MACROD2: variants seen among roughly 807,000 people sequenced by gnomAD.
MACROD2 encodes the protein ADP-ribose glycohydrolase MACROD2.
Under a neutral mutation model 70.4 loss-of-function variants are expected in MACROD2, and 36 were observed. The ratio of observed to expected loss-of-function variants is 0.51; its 90% CI spans 0.39 to 0.68. The LOEUF is 0.68. MACROD2 is among the 30% of genes least tolerant of loss of function. The pLI is 0.00. For synonymous variants in MACROD2, 172 were observed against 178.8 expected (o/e 0.96, Z 0.30); for missense variants, 496 against 538.4 (o/e 0.92, Z 0.78).
At chr20:16,013,437 T>G (rs1239026464) in intron 15 of MACROD2, among the ~76,000 whole-genome samples, 1 of 152,146 alleles carries the variant, frequency 6.6e-6, no homozygotes, top group Non-Finnish European at 1.5e-5. Flanking sequence ...CTTGTACCTG[T>G]ATCTAAAAAA....
chr20:15,108,540 T>G (rs1228964479), intron 5 of MACROD2, among the ~76,000 whole-genome samples: 1 of 152,162 alleles, frequency 6.6e-6, no homozygotes, highest in East Asian at 1.9e-4. Context: ...ACTGCCGATT[T>G]CCTTCTAGAT....
At chr20:14,204,680 C>CCTGGGAT (rs2081508820) in intron 3 of MACROD2, among the ~76,000 whole-genome samples, 1 of 152,178 alleles carries the variant, frequency 6.6e-6, no homozygotes, top group Non-Finnish European at 1.5e-5. Flanking sequence ...CCCGGCCAGG[C>CCTGGGAT]CAGCTGTTTC....
At chr20:15,872,383 C>T (rs1475984689) in intron 9 of MACROD2, among the ~76,000 whole-genome samples, 1 of 152,098 alleles carries the variant, frequency 6.6e-6, no homozygotes, top group African/African-American at 2.4e-5. Context: ...AGAAAGGTAG[C>T]AATTGTCTAA....
chr20:14,310,130 G>A (rs747118790), intron 3 of MACROD2, among the ~76,000 whole-genome samples: 8 of 152,078 alleles, frequency 5.3e-5, no homozygotes, highest in Non-Finnish European at 1.2e-4. Flanking sequence ...AAAAACTAAT[G>A]TTCAGAAGGA....
intron 8 of MACROD2, among the ~76,000 whole-genome samples, chr20:15,662,451 A>G (rs1471746727): frequency 1.3e-5 from 2 of 152,208 alleles, no homozygotes; most frequent in Non-Finnish European, 2.9e-5. Flanking sequence ...CATAAGTAAT[A>G]GCACTATTTG....
chr20:14,757,542 C>T, intron 5 of MACROD2: 1 of 800,774 alleles, frequency 1.2e-6, no homozygotes. Flanking sequence ...GGCCCTGGCC[C>T]CGGACCCTAC....
At chr20:14,263,455 G>T (rs1295743188) in intron 3 of MACROD2, among the ~76,000 whole-genome samples, 1 of 152,144 alleles carries the variant, frequency 6.6e-6, no homozygotes. Flanking sequence ...ATCAGAGGCA[G>T]AGGGTAGGGG....
chr20:15,171,545 T>C (rs16995406), intron 5 of MACROD2, among the ~76,000 whole-genome samples: 4,425 of 152,130 alleles, frequency 0.029, 117 homozygotes, highest in Middle Eastern at 0.075. Flanking sequence ...TCTTCACAAG[T>C]TGCTTCCTGA....
intron 4 of MACROD2, among the ~76,000 whole-genome samples, chr20:14,564,182 A>T (rs6074757): frequency 6.6e-6 from 1 of 151,716 alleles, no homozygotes. Flanking sequence ...TGTACTGTAT[A>T]TAAAAATTAA....
chr20:14,371,278 A>T (rs1427844108), intron 3 of MACROD2, among the ~76,000 whole-genome samples: 3 of 152,220 alleles, frequency 2.0e-5, no homozygotes, highest in Middle Eastern at 3.4e-3. Context: ...TGAGGCCAGG[A>T]GTTTGAGACC....
intron 2 of MACROD2, among the ~76,000 whole-genome samples, chr20:14,043,619 G>A (rs1035088274): frequency 3.9e-5 from 6 of 152,184 alleles, no homozygotes; most frequent in Admixed American, 1.3e-4. Flanking sequence ...TAGAAAGGCC[G>A]GTTCAGATTC....
intron 5 of MACROD2, among the ~76,000 whole-genome samples, chr20:14,938,895 T>C (rs2074364895): frequency 6.6e-6 from 1 of 151,888 alleles, no homozygotes; most frequent in South Asian, 2.1e-4. Context: ...ATGTGTCTTC[T>C]TTTGAGAAGT....
chr20:15,036,714 A>G (rs969095525), intron 5 of MACROD2, among the ~76,000 whole-genome samples: 4 of 152,064 alleles, frequency 2.6e-5, no homozygotes, highest in Non-Finnish European at 4.4e-5. Context: ...TCATCTTTCT[A>G]TACCCAAAGT....
chr20:14,620,436 T>G (rs1983761753), intron 4 of MACROD2, among the ~76,000 whole-genome samples: 1 of 152,076 alleles, frequency 6.6e-6, no homozygotes, highest in African/African-American at 2.4e-5. Context: ...CCTAGCTTAT[T>G]CTAACCAATT....
chr20:14,589,916 C>T (rs968611669), intron 4 of MACROD2, among the ~76,000 whole-genome samples: 2 of 152,126 alleles, frequency 1.3e-5, no homozygotes, highest in African/African-American at 4.8e-5. Context: ...AACTTACTGA[C>T]CCTTCCATCT....
chr20:15,114,202 A>C (rs573464468), intron 5 of MACROD2, among the ~76,000 whole-genome samples: 2 of 152,204 alleles, frequency 1.3e-5, no homozygotes, highest in Non-Finnish European at 2.9e-5. Flanking sequence ...ATGAACATCA[A>C]TGTGGTAGAC....
intron 3 of MACROD2, among the ~76,000 whole-genome samples, chr20:14,310,697 T>C (rs954566175): frequency 6.6e-6 from 1 of 152,200 alleles, no homozygotes; most frequent in Middle Eastern, 3.2e-3. Context: ...AAGAAGGCAT[T>C]GTTGTCATAG....
At chr20:15,172,026 A>C (rs1180002360) in intron 5 of MACROD2, among the ~76,000 whole-genome samples, 1 of 152,250 alleles carries the variant, frequency 6.6e-6, no homozygotes, top group African/African-American at 2.4e-5. Flanking sequence ...CCAGAAGGGA[A>C]ATATTAAATA....
chr20:14,534,013 C>T (rs2085335963), intron 4 of MACROD2, among the ~76,000 whole-genome samples: 1 of 152,144 alleles, frequency 6.6e-6, no homozygotes. Flanking sequence ...TCTTCTTCTG[C>T]ACAAGATATG....
Sources: allele counts gnomAD v4.1 joint callset (sites outside exome capture counted in the v4.1 genomes callset), GRCh38; gene constraint gnomAD v4.1.1; transcripts MANE v1.5; gene names NCBI Gene and HGNC (gene_info 2026-07-23, HGNC 2026-07-21).